PTPRK: variants seen among roughly 807,000 people sequenced by gnomAD.
PTPRK encodes the protein protein tyrosine phosphatase receptor type K.
Under a neutral mutation model 178.0 loss-of-function variants are expected in PTPRK, and 75 were observed. The ratio of observed to expected loss-of-function variants is 0.42; its 90% CI spans 0.35 to 0.51. The LOEUF (loss-of-function observed/expected upper bound fraction) is 0.51, where lower values mean the gene tolerates loss of function less well. PTPRK is among the 20% of genes least tolerant of loss of function. The pLI is 0.02. For synonymous variants in PTPRK, 637 were observed against 620.6 expected, an observed-to-expected ratio of 1.03 and a Z score of -0.39; for missense variants, 1,441 against 1,797.8, an observed-to-expected ratio of 0.80 and a Z score of 3.59.
chr6:128,168,402 G>C (rs1283897740), intron 7 of PTPRK, among the ~76,000 whole-genome samples: 3 of 152,050 alleles, frequency 2.0e-5, no homozygotes, highest in African/African-American at 7.2e-5. Flanking sequence ...ATATGACTCA[G>C]CAATTGGCAC....
intron 3 of PTPRK, among the ~76,000 whole-genome samples, chr6:128,249,503 T>G (rs2128288343): frequency 6.6e-6 from 1 of 152,152 alleles, no homozygotes; most frequent in Non-Finnish European, 1.5e-5. Context: ...CTCCATGAAG[T>G]TACTGGATGA....
chr6:128,363,566 T>C (rs1367947620), intron 2 of PTPRK, among the ~76,000 whole-genome samples: 1 of 152,104 alleles, frequency 6.6e-6, no homozygotes, highest in Admixed American at 6.6e-5. Context: ...CCTGCCTCCA[T>C]TCCTATTGCA....
intron 13 of PTPRK, among the ~76,000 whole-genome samples, chr6:128,032,017 C>A (rs752659789): frequency 6.6e-6 from 1 of 152,178 alleles, no homozygotes; most frequent in South Asian, 2.1e-4. Flanking sequence ...GTCACAACAG[C>A]AAGGACTTGC....
intron 1 of PTPRK, among the ~76,000 whole-genome samples, chr6:128,405,481 G>A (rs1220884801): frequency 6.6e-6 from 1 of 152,002 alleles, no homozygotes; most frequent in African/African-American, 2.4e-5. Context: ...TTCACTTAGT[G>A]TTAGATACAC....
chr6:128,299,992 C>G (rs1329628538), intron 3 of PTPRK, among the ~76,000 whole-genome samples: 1 of 152,036 alleles, frequency 6.6e-6, no homozygotes, highest in Non-Finnish European at 1.5e-5. Flanking sequence ...GGGCTAATAT[C>G]CAGAATCTAC....
At chr6:128,023,591 C>CA (rs200376154) in intron 13 of PTPRK, among the ~76,000 whole-genome samples, 169 of 151,618 alleles carry the variant, frequency 1.1e-3, no homozygotes, top group African/African-American at 3.7e-3. Context: ...ATGATTAAAA[C>CA]AAAAAAAACC....
At chr6:128,135,890 G>C (rs1794947797) in intron 7 of PTPRK, among the ~76,000 whole-genome samples, 1 of 151,994 alleles carries the variant, frequency 6.6e-6, no homozygotes, top group Non-Finnish European at 1.5e-5. Flanking sequence ...ATCTGGTAGA[G>C]TTTTAAGAAG....
intron 5 of PTPRK, among the ~76,000 whole-genome samples, chr6:128,219,438 A>C (rs1451300403): frequency 6.6e-6 from 1 of 152,188 alleles, no homozygotes; most frequent in African/African-American, 2.4e-5. Context: ...TTCACAGTAG[A>C]GTTCGTGCTC....
At chr6:128,030,909 T>C (rs762098767) in intron 13 of PTPRK, among the ~76,000 whole-genome samples, 6 of 152,310 alleles carry the variant, frequency 3.9e-5, no homozygotes, top group East Asian at 1.9e-4. Context: ...GATTGAACCA[T>C]AGCATTCATT....
intron 7 of PTPRK, among the ~76,000 whole-genome samples, chr6:128,150,614 AT>A (rs1797114221): frequency 6.6e-6 from 1 of 152,126 alleles, no homozygotes; most frequent in Non-Finnish European, 1.5e-5. Context: ...GCTGACTGCT[AT>A]TCATGCTTTG....
At chr6:128,124,314 C>T (rs1413935577) in intron 7 of PTPRK, among the ~76,000 whole-genome samples, 1 of 152,206 alleles carries the variant, frequency 6.6e-6, no homozygotes, top group Admixed American at 6.5e-5. Context: ...TCCCAAAGTG[C>T]TGGGATTACA....
At chr6:128,041,825 T>C (rs9482867) in intron 13 of PTPRK, among the ~76,000 whole-genome samples, 32,988 of 151,398 alleles carry the variant, frequency 0.22, 4,630 homozygotes, top group African/African-American at 0.4. Context: ...AAAGTGTATA[T>C]ATATGTAATA....
intron 6 of PTPRK, 81 bp from the exon 7 acceptor site, chr6:128,184,806 G>T: frequency 1.5e-6 from 2 of 1,301,496 alleles, no homozygotes; most frequent in Non-Finnish European, 2.1e-6. Context: ...AGGCCTAAAT[G>T]CTTAATGGAT....
Position 128,023,573 on chromosome 6 carries a change from T to C in PTPRK, c.2195-14305A>G, listed in dbSNP as rs571416205. On this transcript the variant is annotated intron_variant, in intron 13 of 29. Transcript: ENST00000368226. Reference sequence around the variant, plus strand: ...AAAACTCTGCTGGGAAGTATTCTTTTAAACAATATGATTAAAACAAAAAAA... The same window carrying C: ...AAAACTCTGCTGGGAAGTATTCTTTCAAACAATATGATTAAAACAAAAAAA... Among the ~76,000 whole-genome samples, 4 of 152,308 alleles carry C rather than the reference T, an allele frequency of 2.6e-5. No homozygotes were observed. In the South Asian group the frequency reaches 8.3e-4, roughly 32 times the overall value.
chr6:128,492,316 T>G (rs1211379692), intron 1 of PTPRK, among the ~76,000 whole-genome samples: 1 of 152,192 alleles, frequency 6.6e-6, no homozygotes, highest in South Asian at 2.1e-4. Context: ...ACTGAGTAGT[T>G]TGCCTCTTCA....
chr6:128,413,483 G>A (rs540952312), intron 1 of PTPRK, among the ~76,000 whole-genome samples: 26 of 152,202 alleles, frequency 1.7e-4, no homozygotes, highest in Middle Eastern at 3.4e-3. Context: ...AGAGTCTCAA[G>A]ACAGATGGCC....
chr6:128,157,407 C>A (rs1050818343), intron 7 of PTPRK, among the ~76,000 whole-genome samples: 4 of 152,004 alleles, frequency 2.6e-5, no homozygotes, highest in African/African-American at 9.6e-5. Context: ...TTATGAAGCA[C>A]ATCACAGTTG....
chr6:128,307,160 A>ATATATAT (rs1050180445), intron 3 of PTPRK, among the ~76,000 whole-genome samples: 22 of 142,382 alleles, frequency 1.5e-4, no homozygotes, highest in African/African-American at 5.7e-4. Flanking sequence ...AAGAAAAAAA[A>ATATATAT]ATATATATAT....
chr6:128,171,486 C>G (rs555086248), intron 7 of PTPRK, among the ~76,000 whole-genome samples: 1 of 152,124 alleles, frequency 6.6e-6, no homozygotes, highest in South Asian at 2.1e-4. Context: ...CCATTTCTCA[C>G]TCCAGACTCT....
Sources: gnomAD v4.1 joint callset for allele counts (sites outside exome capture counted in the v4.1 genomes callset) on GRCh38, gnomAD v4.1.1 for gene constraint, MANE v1.5 for transcripts, NCBI Gene and HGNC (gene_info 2026-07-23, HGNC 2026-07-21) for gene names.